The following KCNAB2 variants were observed in gnomAD, a reference collection of about 807,000 sequenced individuals.
KCNAB2 encodes voltage-gated potassium channel subunit beta-2.
KCNAB2 carries 29 observed loss-of-function variants against 63.6 expected under a neutral mutation model. The ratio of observed to expected loss-of-function variants is 0.46; its 90% confidence interval spans 0.34 to 0.62. The LOEUF (loss-of-function observed/expected upper bound fraction) is 0.62, where lower values mean the gene tolerates loss of function less well. Among genes scored for constraint, KCNAB2 ranks in the 20% least tolerant of loss-of-function variants. The pLI is 0.01. For synonymous variants in KCNAB2, 222 were observed against 224.2 expected (o/e 0.99, Z 0.09); for missense variants, 359 against 563.9 (o/e 0.64, Z 3.68).
At chr1:6,091,238 CTT>C in intron 9 of KCNAB2, 23 bp from the exon 10 acceptor site, 2 of 1,518,740 alleles carry the variant, frequency 1.3e-6, no homozygotes, top group East Asian at 2.5e-5. Flanking sequence ...ACTCTGGTCT[CTT>C]TAAATCTTTC....
intron 1 of KCNAB2, chr1:6,040,409 C>T (rs1035361552): frequency 2.7e-5 from 18 of 661,526 alleles, no homozygotes; most frequent in Admixed American, 1.6e-4. Context: ...ATGCCCTGAA[C>T]CCAGACAGCC....
chr1:6,014,093 C>T (rs1421478750), intron 1 of KCNAB2, among the ~76,000 whole-genome samples: 9 of 152,232 alleles, frequency 5.9e-5, no homozygotes, highest in Non-Finnish European at 1.3e-4. Flanking sequence ...GCTGAATGAA[C>T]GCACGGGAAA....
intron 1 of KCNAB2, among the ~76,000 whole-genome samples, chr1:6,046,602 AGCAC>A (rs1413068586): frequency 4.6e-5 from 7 of 152,238 alleles, no homozygotes; most frequent in African/African-American, 1.7e-4. Flanking sequence ...CTGTGCAGGA[AGCAC>A]GTGCTGAGGG....
At chr1:6,056,482 TC>T (rs1661835826) in intron 2 of KCNAB2, among the ~76,000 whole-genome samples, 1 of 152,144 alleles carries the variant, frequency 6.6e-6, no homozygotes, top group Non-Finnish European at 1.5e-5. Flanking sequence ...ACACTTCCCC[TC>T]CCCTGTGGAC....
In KCNAB2 at chr1:6,073,898, C is replaced by G; in HGVS notation, c.300+128C>G. ...AGCGCAGCAGCCTCCCTCCCTCTTT[C>G]TGTTTTGTGAGGGCGCCCTGCCCCA... On this transcript the variant is annotated intron_variant, in intron 4 of 15. Transcript: ENST00000378083. This position sits in a 1 kb window ranked among gnomAD's most constrained non-coding sequence, Gnocchi z 5.7. 1.0e-6 allele frequency: 1 copy of G among 994,102 alleles called. No homozygotes were observed. Among genetic ancestry groups the G allele is most frequent in the Non-Finnish European group, 1.6e-6 (1 of 637,100 alleles). 61.6% of individuals were successfully genotyped at this position (994,102 alleles called of 1,614,324 possible). A position where few individuals can be genotyped will look rare whatever the true frequency, so the allele number is the denominator to read the frequency against.
rs913493222 is a variant in KCNAB2 at position 6,086,205 on chromosome 1, C to T, written c.425+957C>T. The T allele has an allele frequency of 4.1e-5, 40 of 985,180 alleles. No homozygotes were observed. The highest frequency in any genetic ancestry group is 4.6e-5 in the Non-Finnish European group (38 of 829,826). 61.0% of individuals were successfully genotyped at this position (985,180 alleles called of 1,614,324 possible). ...GTTGGGCCTCCCTCCTCCCTCCCCT[C>T]GAAATGCCACTCAGAATCCCAGTGC... On this transcript the variant is annotated intron_variant, in intron 6 of 15. Coordinates refer to ENST00000378083, the MANE Select transcript of KCNAB2 (RefSeq NM_001199862.2). This position sits in a 1 kb window ranked among gnomAD's most constrained non-coding sequence, Gnocchi z 4.2.
chr1:6,051,461 G>T, intron 1 of KCNAB2, 50 bp from the exon 2 acceptor site: 1 of 1,426,474 alleles, frequency 7.0e-7, no homozygotes, highest in Non-Finnish European at 9.2e-7. Context: ...CATCCAGCCT[G>T]GGGCACGTGG....
rs1463713116 is a variant in KCNAB2 at position 6,035,473 on chromosome 1, A to G, written c.-53+679A>G. 6.6e-6 allele frequency among the ~76,000 whole-genome samples: 1 copy of G among 151,930 alleles called. No individual in the cohort carries two copies. Among genetic ancestry groups the G allele is most frequent in the Non-Finnish European group, 1.5e-5 (1 of 67,964 alleles). On this transcript the variant is annotated intron_variant, in intron 1 of 15. Coordinates refer to the KCNAB2 transcript ENST00000164247. This position sits in a 1 kb window ranked among gnomAD's most constrained non-coding sequence, Gnocchi z 5.0. ...AGAGCCGGTGGCAGCTGGGCAGGAGAGGAGACAGGGAGAGGCACGGGGCCC... is the reference window on the plus strand; with the variant it reads ...AGAGCCGGTGGCAGCTGGGCAGGAGGGGAGACAGGGAGAGGCACGGGGCCC...
At chr1:6,064,873 G>T (rs557128463) in intron 2 of KCNAB2, among the ~76,000 whole-genome samples, 1 of 152,314 alleles carries the variant, frequency 6.6e-6, no homozygotes, top group Admixed American at 6.5e-5. Flanking sequence ...ATGCTGAAGA[G>T]GATGAAGTAA....
chr1:6,002,445 G>A (rs1331461239), intron 1 of KCNAB2, among the ~76,000 whole-genome samples: 4 of 152,242 alleles, frequency 2.6e-5, no homozygotes, highest in Non-Finnish European at 5.9e-5. Flanking sequence ...AAAGCCAGGT[G>A]CCTGCCACGG....
chr1:6,017,154 T>TGGGGAC (rs1312405399), intron 1 of KCNAB2, among the ~76,000 whole-genome samples: 3 of 151,796 alleles, frequency 2.0e-5, no homozygotes, highest in Admixed American at 6.6e-5. Context: ...CAAATAGGGC[T>TGGGGAC]GGGGACGCAG....
chr1:6,085,831 G>A, intron 6 of KCNAB2: 2 of 987,850 alleles, frequency 2.0e-6, no homozygotes, highest in Non-Finnish European at 2.4e-6. Context: ...TATCCTGAGG[G>A]TCAGTGGCCC....
intron 1 of KCNAB2, among the ~76,000 whole-genome samples, chr1:6,016,148 A>T (rs947220663): frequency 6.6e-6 from 1 of 152,220 alleles, no homozygotes; most frequent in Admixed American, 6.5e-5. Flanking sequence ...TCCAGCCACC[A>T]GCACCCACCT....
intron 1 of KCNAB2, among the ~76,000 whole-genome samples, chr1:5,995,580 C>T (rs980187401): frequency 2.6e-5 from 4 of 152,196 alleles, no homozygotes; most frequent in Admixed American, 6.5e-5. Flanking sequence ...CTCAGTCCTG[C>T]CTGGCATGCA....
chr1:6,051,374 C>G (rs1412055289), intron 1 of KCNAB2, 137 bp from the exon 2 acceptor site: 1 of 1,069,316 alleles, frequency 9.4e-7, no homozygotes, highest in Admixed American at 3.3e-5. Flanking sequence ...CCGGGTCCCA[C>G]TCCTAGACAC....
rs1219871117 is a variant in KCNAB2, at chr1:6,040,394, C to T, written c.-52-123C>T. On this transcript the variant is annotated intron_variant, in intron 1 of 15. Coordinates refer to the KCNAB2 transcript ENST00000164247. ...CTGTCTGTCTCTCTGCTGAGGGGCT[C>T]CCCGATGCCCTGAACCCAGACAGCC... The T allele has an allele frequency of 1.3e-5, 8 of 636,364 alleles. No individual in the cohort carries two copies. The East Asian group carries it at 1.4e-4, about 11-fold the overall frequency. 39.4% of individuals were successfully genotyped at this position (636,364 alleles called of 1,614,324 possible). A position where few individuals can be genotyped will look rare whatever the true frequency, so the allele number is the denominator to read the frequency against.
intron 4 of KCNAB2, among the ~76,000 whole-genome samples, chr1:6,080,227 T>C (rs1664076202): frequency 6.6e-6 from 1 of 152,042 alleles, no homozygotes; most frequent in Admixed American, 6.5e-5. Context: ...GTGGGAGGCA[T>C]CTGGGAAAAG....
At chr1:5,993,471 C>T (rs1427531307) in intron 1 of KCNAB2, among the ~76,000 whole-genome samples, 4 of 152,208 alleles carry the variant, frequency 2.6e-5, no homozygotes, top group Non-Finnish European at 5.9e-5. Context: ...TTAAGCTTCT[C>T]CCTCCTGCCA....
Position 6,069,784 on chromosome 1 carries a change from G to A in KCNAB2, c.219-2971G>A, listed in dbSNP as rs1015492719. On this transcript the variant is annotated intron_variant, in intron 2 of 15. Coordinates refer to ENST00000378083, the MANE Select transcript of KCNAB2 (RefSeq NM_001199862.2). This position sits in a 1 kb window ranked among gnomAD's most constrained non-coding sequence, Gnocchi z 5.4. Reference sequence around the variant, plus strand: ...TCCCGAGGCCTGGCAGCGGATGGCAGAACCAATACCATCATTTTCACAGGG... The same window carrying A: ...TCCCGAGGCCTGGCAGCGGATGGCAAAACCAATACCATCATTTTCACAGGG... Among the ~76,000 whole-genome samples, 20 of 152,228 alleles carry A rather than the reference G, an allele frequency of 1.3e-4. No individual in the cohort carries two copies. The highest frequency in any genetic ancestry group is 2.9e-4 in the Non-Finnish European group (20 of 68,048).
Sources: allele counts gnomAD v4.1 joint callset (sites outside exome capture counted in the v4.1 genomes callset), GRCh38; gene constraint gnomAD v4.1.1; non-coding constraint Gnocchi (gnomAD v3.1); transcripts MANE v1.5; gene names NCBI Gene and HGNC (gene_info 2026-07-23, HGNC 2026-07-21).